The following ZER1 variants were observed in gnomAD, a reference collection of about 807,000 sequenced individuals.
ZER1 encodes the protein zyg-11 related cell cycle regulator, also known as protein zer-1 homolog.
In ZER1, 11 loss-of-function variants were observed where a neutral mutation model predicts 78.8. That is an observed-to-expected ratio of 0.14 (90% confidence interval 0.09 to 0.23). The LOEUF (loss-of-function observed/expected upper bound fraction) is 0.23, where lower values mean the gene tolerates loss of function less well. Among genes scored for constraint, ZER1 ranks in the 10% least tolerant of loss-of-function variants. ZER1 has a pLI of 1.00. For missense variants in ZER1, 588 were observed against 996.9 expected, an observed-to-expected ratio of 0.59 and a Z score of 5.52; for synonymous variants, 400 against 407.0, an observed-to-expected ratio of 0.98 and a Z score of 0.21.
At chr9:128,761,254 C>T (rs576265481) in intron 1 of ZER1, among the ~76,000 whole-genome samples, 1 of 151,904 alleles carries the variant, frequency 6.6e-6, no homozygotes, top group Non-Finnish European at 1.5e-5. Flanking sequence ...AGTCCCAGCC[C>T]AACAGACTAA....
At chr9:128,735,771 T>G (rs1335453160) in intron 13 of ZER1, among the ~76,000 whole-genome samples, 1,925 of 122,562 alleles carry the variant, frequency 0.016, 235 homozygotes, top group Non-Finnish European at 0.025. Context: ...GTTTTTTTTT[T>G]TTTTTTTTTT....
At chr9:128,771,208 C>T (rs1564415386) in intron 1 of ZER1, among the ~76,000 whole-genome samples, 1 of 152,148 alleles carries the variant, frequency 6.6e-6, no homozygotes, top group Non-Finnish European at 1.5e-5. Context: ...GTTGGATTTC[C>T]CTATACTTTG....
chr9:128,733,587 C>T (rs1862916762), intron 14 of ZER1, 59 bp from the exon 15 acceptor site: 2 of 1,473,326 alleles, frequency 1.4e-6, no homozygotes, highest in South Asian at 1.2e-5. Context: ...AGCCCGAGGC[C>T]CAGAAACCCA....
At position 128,750,844 on chromosome 9, in the gene ZER1, CT is replaced by C; in HGVS notation, c.1186-56del. ...GCAAGTGCAGGGAGAGGCCTGGGCT[CT>C]GCAAGGGGCTGGAACAGGCTCTCTG... On this transcript the variant is annotated intron_variant, in intron 7 of 15. Transcript: ENST00000291900. The C allele has an allele frequency of 2.1e-5, 34 of 1,602,728 alleles. 2 individuals carry two copies. In the South Asian group the frequency reaches 3.8e-4, roughly 18 times the overall value.
chr9:128,760,453 C>T (rs1412348858), intron 1 of ZER1, among the ~76,000 whole-genome samples: 1 of 151,016 alleles, frequency 6.6e-6, no homozygotes, highest in East Asian at 2.0e-4. Flanking sequence ...CCGCCTGCCT[C>T]GGCCTCCCAA....
chr9:128,758,924 C>G (rs1863950563), intron 1 of ZER1, among the ~76,000 whole-genome samples: 1 of 151,964 alleles, frequency 6.6e-6, no homozygotes, highest in Non-Finnish European at 1.5e-5. Context: ...GATCAGAGTA[C>G]TGGGTATCCA....
At chr9:128,745,018 G>A (rs1863439173) in intron 8 of ZER1, among the ~76,000 whole-genome samples, 1 of 152,026 alleles carries the variant, frequency 6.6e-6, no homozygotes, top group Non-Finnish European at 1.5e-5. Flanking sequence ...CACATGCCTG[G>A]TATGACTTCT....
chr9:128,751,605 A>G lies in ZER1; in HGVS notation c.924-78T>C. Reference sequence around the variant, plus strand: ...GCCTCCCCACTGGGGGTGGTGAGGCATTTCCTTGCTTTCTCTTCTAGGCCC... The same window carrying G: ...GCCTCCCCACTGGGGGTGGTGAGGCGTTTCCTTGCTTTCTCTTCTAGGCCC... On this transcript the variant is annotated intron_variant, in intron 5 of 15. Transcript: ENST00000291900. This position sits in a 1 kb window ranked among gnomAD's most constrained non-coding sequence, Gnocchi z 5.4. The G allele has an allele frequency of 8.1e-7, 1 of 1,237,820 alleles. No homozygotes were observed. Among genetic ancestry groups the G allele is most frequent in the African/African-American group, 1.5e-5 (1 of 67,410 alleles). The allele number at this position is 1,237,820 out of a possible 1,614,324, so 76.7% of individuals were successfully genotyped here. A position where few individuals can be genotyped will look rare whatever the true frequency, so the allele number is the denominator to read the frequency against.
At chr9:128,736,094 G>A (rs1249014764) in intron 13 of ZER1, among the ~76,000 whole-genome samples, 4 of 151,678 alleles carry the variant, frequency 2.6e-5, no homozygotes, top group African/African-American at 7.3e-5. Flanking sequence ...GACTACAGGC[G>A]CCTACCACCA....
chr9:128,765,595 C>T (rs1864182842), intron 1 of ZER1, among the ~76,000 whole-genome samples: 2 of 152,136 alleles, frequency 1.3e-5, no homozygotes, highest in Admixed American at 6.6e-5. Context: ...GTCCTGATAC[C>T]CAGAGGACAG....
rs180902670 is a variant in ZER1 at position 128,737,075 on chromosome 9, C to T, written c.2043-1644G>A. Among the ~76,000 whole-genome samples the T allele has an allele frequency of 7.3e-3, 1,109 of 151,956 alleles. 6 individuals are homozygous for T. The highest frequency in any genetic ancestry group is 0.037 in the South Asian group (180 of 4,818). ...AGGAGAATCGCTTGAACCTGGGAGA[C>T]GGGGGTTGCAGTGAGCCAAGATCAC... On this transcript the variant is annotated intron_variant, in intron 13 of 15. Coordinates refer to ENST00000291900, the MANE Select transcript of ZER1 (RefSeq NM_006336.4).
intron 1 of ZER1, among the ~76,000 whole-genome samples, chr9:128,759,037 ACC>A (rs1863955165): frequency 6.7e-6 from 1 of 149,442 alleles, no homozygotes; most frequent in South Asian, 2.1e-4. Flanking sequence ...TTGCTCTGTC[ACC>A]AGGCTGGAGT....
chr9:128,731,433 T>TGGGTGGGGGGGTTG, intron 15 of ZER1, 39 bp from the exon 16 acceptor site: 1 of 395,060 alleles, frequency 2.5e-6, no homozygotes, highest in East Asian at 6.8e-5. Context: ...AGGGTGGGCT[T>TGGGTGGGGGGGTTG]GGGTGGGGGT....
intron 1 of ZER1, among the ~76,000 whole-genome samples, chr9:128,758,638 CTA>C (rs1863940065): frequency 6.6e-6 from 1 of 151,938 alleles, no homozygotes; most frequent in African/African-American, 2.4e-5. Flanking sequence ...CAAGATCTTG[CTA>C]TGTTATTCAG....
At chr9:128,752,559 G>C in intron 5 of ZER1, 114 bp downstream of exon 5, 2 of 1,182,620 alleles carry the variant, frequency 1.7e-6, no homozygotes, top group Non-Finnish European at 2.3e-6. Flanking sequence ...GGCCTCAAGT[G>C]ATCCGCCCAT....
At chr9:128,766,938 A>ATTTG (rs1864230634) in intron 1 of ZER1, among the ~76,000 whole-genome samples, 1 of 141,620 alleles carries the variant, frequency 7.1e-6, no homozygotes, top group African/African-American at 2.6e-5. Context: ...TTATTTATTT[A>ATTTG]TTTTTCTTTC....
intron 1 of ZER1, among the ~76,000 whole-genome samples, chr9:128,760,791 C>T (rs1371326177): frequency 1.4e-5 from 2 of 145,310 alleles, no homozygotes; most frequent in Admixed American, 7.0e-5. Context: ...TCCAGCCTGG[C>T]GACACAGCGA....
At chr9:128,756,449 G>C (rs957744328) in intron 1 of ZER1, among the ~76,000 whole-genome samples, 3 of 152,138 alleles carry the variant, frequency 2.0e-5, no homozygotes, top group African/African-American at 7.2e-5. Flanking sequence ...ACTCAGATGT[G>C]ACCATTCATA....
In ZER1 at chr9:128,731,214, G is replaced by T; in HGVS notation, c.*123C>A. 3 of 671,284 alleles carry T rather than the reference G, an allele frequency of 4.5e-6. No individual in the cohort carries two copies. Among genetic ancestry groups the T allele is most frequent in the Non-Finnish European group, 4.9e-6 (2 of 409,184 alleles). 41.6% of individuals were successfully genotyped at this position (671,284 alleles called of 1,614,324 possible). On this transcript the variant is annotated 3_prime_UTR_variant, in exon 16 of 16. Transcript: ENST00000291900. ...AAGGAAAAGCGTCGGTTGTGCAAAA[G>T]TCCCCCATGTCTCTTCACTCCGTGG...
Sources: gnomAD v4.1 joint callset for allele counts (sites outside exome capture counted in the v4.1 genomes callset) on GRCh38, gnomAD v4.1.1 for gene constraint, Gnocchi (gnomAD v3.1) non-coding constraint, MANE v1.5 for transcripts, NCBI Gene and HGNC (gene_info 2026-07-23, HGNC 2026-07-21) for gene names.